The following BCOR variants were observed in gnomAD, a reference collection of about 807,000 sequenced individuals.
BCOR encodes the protein BCL-6 corepressor.
Under a neutral mutation model 86.7 loss-of-function variants are expected in BCOR, and 10 were observed. The observed-to-expected ratio is 0.12, with a 90% CI of 0.07 to 0.20. BCOR has a LOEUF of 0.20. Ranked by LOEUF, BCOR falls within the 10% of genes least tolerant of loss-of-function variation. The pLI, the probability that BCOR is intolerant of heterozygous loss-of-function variation, is 1.00. For missense variants in BCOR, 1,259 were observed against 1,452.1 expected (o/e 0.87, Z 2.16); for synonymous variants, 611 against 609.0 (o/e 1.00, Z -0.05).
intron 1 of BCOR, among the ~76,000 whole-genome samples, chrX:40,176,034 C>T (rs1602290348): frequency 8.9e-6 from 1 of 112,822 alleles, no homozygotes; most frequent in South Asian, 3.6e-4. Flanking sequence ...CAGGCGTCTT[C>T]AAGGGTTCTG....
chrX:40,080,826 G>C (rs1035987369), intron 1 of BCOR, among the ~76,000 whole-genome samples: 3 of 58,952 alleles, frequency 5.1e-5, no homozygotes, highest in Non-Finnish European at 7.6e-5. Flanking sequence ...GTGTGTGTGT[G>C]TGTGTGTGTG....
At position 40,054,309 on chromosome X, in the gene BCOR, C is replaced by T. The variant is rs367859441; in HGVS notation, c.4766G>A (p.Arg1589His). 4.0e-5 allele frequency: 48 copies of T among 1,203,513 alleles called. No individual in the cohort carries two copies. The highest frequency in any genetic ancestry group is 1.4e-4 in the African/African-American group (8 of 56,813). ...AGTGCCACTGGCGTCATCATCATTG[C>T]GACCCTGGAGGTCATTTAAATAATC... ...LTDYLNDLQG[R>H]NDDDASGTWD... The change falls in exon 13 of 15, where the codon CGC (arginine) becomes CAC (histidine). Residue 1589 changes from arginine (R) to histidine (H), a missense_variant. Around this residue, in one of 7 missense-constraint regions of BCOR, gnomAD observed 137 missense variants for 149.8 expected, o/e 0.91. Transcript: ENST00000378444.
At chrX:40,095,657 T>C (rs1936823928) in intron 1 of BCOR, among the ~76,000 whole-genome samples, 1 of 112,047 alleles carries the variant, frequency 8.9e-6, no homozygotes, top group Admixed American at 9.3e-5. Context: ...TGCGAATACC[T>C]ATTTGAAGCG....
intron 1 of BCOR, among the ~76,000 whole-genome samples, chrX:40,130,043 G>A (rs1937587136): frequency 9.0e-6 from 1 of 110,796 alleles, no homozygotes; most frequent in Non-Finnish European, 1.9e-5. Flanking sequence ...AAAAGAAGAA[G>A]AACAGACTTC....
chrX:40,163,884 CA>C (rs750080407), intron 1 of BCOR, among the ~76,000 whole-genome samples: 24 of 110,392 alleles, frequency 2.2e-4, no homozygotes, highest in African/African-American at 7.6e-4. Context: ...ATTAGCCGAG[CA>C]TGGTGGTGCA....
Position 40,109,446 on chromosome X carries a change from A to G in BCOR, c.-40-31477T>C, listed in dbSNP as rs1937259026. ...CTCCCCCACGCCGGGCTTCAAAACA[A>G]AACTCCAGAGCGGGCGGCCAGGTAC... On this transcript the variant is annotated intron_variant, in intron 1 of 14. Transcript: ENST00000342274. Among the ~76,000 whole-genome samples the G allele has an allele frequency of 6.3e-5, 7 of 111,950 alleles. No individual in the cohort carries two copies. The South Asian group carries it at 2.5e-3, about 40-fold the overall frequency.
At chrX:40,160,695 G>A (rs1006480120) in intron 1 of BCOR, among the ~76,000 whole-genome samples, 3 of 85,085 alleles carry the variant, frequency 3.5e-5, no homozygotes, top group African/African-American at 1.4e-4. Flanking sequence ...ATGGTGTCTC[G>A]CTCTCTCGCC....
At chrX:40,056,745 G>A (rs964196501) in intron 11 of BCOR, among the ~76,000 whole-genome samples, 2 of 111,381 alleles carry the variant, frequency 1.8e-5, no homozygotes, top group Non-Finnish European at 3.8e-5. Flanking sequence ...CTGGGGATGT[G>A]GGTGGCAATG....
intron 1 of BCOR, among the ~76,000 whole-genome samples, chrX:40,156,436 C>A (rs922920472): frequency 8.9e-6 from 1 of 112,139 alleles, no homozygotes; most frequent in African/African-American, 3.2e-5. Flanking sequence ...TTAGGGCACC[C>A]GGGGCTGCGC....
rs140693978 is a variant in BCOR, at chrX:40,073,147, C to T, written c.2199G>A (p.Thr733=). 5.0e-5 allele frequency: 61 copies of T among 1,210,250 alleles called. No homozygotes were observed. The highest frequency in any genetic ancestry group is 1.0e-4 in the African/African-American group (6 of 57,245). Reference sequence around the variant, plus strand: ...TCTCCTCTTTAGTAATCTCTATGGGCGTGTGTGGTATCAACATGGGATGCA... The same window carrying T: ...TCTCCTCTTTAGTAATCTCTATGGGTGTGTGTGGTATCAACATGGGATGCA... ...GMVHPMLIPH[T]PIEITKEEKP... Residue 733 remains threonine (T), a synonymous_variant, in exon 4 of 15, where the codon ACG becomes ACA. Transcript: ENST00000378444.
intron 1 of BCOR, among the ~76,000 whole-genome samples, chrX:40,161,267 C>T (rs1226175312): frequency 9.5e-6 from 1 of 105,756 alleles, no homozygotes; most frequent in East Asian, 3.0e-4. Flanking sequence ...AGTGAAGTGG[C>T]GCGATCTTGG....
chrX:40,138,360 GGAC>G (rs1251803775), intron 1 of BCOR, among the ~76,000 whole-genome samples: 1 of 111,575 alleles, frequency 9.0e-6, no homozygotes, highest in Non-Finnish European at 1.9e-5. Flanking sequence ...CTCAGGCGAG[GGAC>G]GACTACGAAG....
At chrX:40,060,423 G>A (rs1934811697) in intron 10 of BCOR, among the ~76,000 whole-genome samples, 1 of 112,344 alleles carries the variant, frequency 8.9e-6, no homozygotes, top group African/African-American at 3.2e-5. Flanking sequence ...CCTGCTATAG[G>A]AAAACCACCA....
chrX:40,141,384 G>C (rs1456984953), intron 1 of BCOR, among the ~76,000 whole-genome samples: 1 of 112,307 alleles, frequency 8.9e-6, no homozygotes, highest in Non-Finnish European at 1.9e-5. Flanking sequence ...AGCGTGTTTC[G>C]CCTCTGCTTA....
chrX:40,090,848 C>A (rs1414454797), intron 1 of BCOR, among the ~76,000 whole-genome samples: 1 of 111,848 alleles, frequency 8.9e-6, no homozygotes, highest in Non-Finnish European at 1.9e-5. Flanking sequence ...TCTGGCCAGG[C>A]AGAACAATAG....
chrX:40,088,522 C>G (rs1475571540), intron 1 of BCOR, among the ~76,000 whole-genome samples: 1 of 111,609 alleles, frequency 9.0e-6, no homozygotes, highest in African/African-American at 3.3e-5. Context: ...TGTTTCAGAG[C>G]AGGCATCCCC....
Position 40,072,872 on chromosome X carries a change from C to T in BCOR, c.2474G>A (p.Ser825Asn). 2 of 1,211,654 alleles carry T rather than the reference C, an allele frequency of 1.7e-6. No homozygotes were observed. The highest frequency in any genetic ancestry group is 2.2e-6 in the Non-Finnish European group (2 of 895,513). Residue 825 changes from serine to asparagine, a missense_variant, in exon 4 of 15, where the codon AGC becomes AAC. This residue lies in a region of BCOR where 534 missense variants were observed against 594.8 expected (regional missense o/e 0.90). Transcript: ENST00000378444. Reference sequence around the variant, plus strand: ...CTGGCCAACACTCTCTGCTGCAAAGCTGGGTTTGGACACGTTTGTGTCAGT... The same window carrying T: ...CTGGCCAACACTCTCTGCTGCAAAGTTGGGTTTGGACACGTTTGTGTCAGT... Reference protein sequence around the residue: ...AKTDTNVSKPSFAAESVGQSA... With the variant: ...AKTDTNVSKPNFAAESVGQSA...
In BCOR at chrX:40,140,582, G is replaced by T. The variant is rs187224633; in HGVS notation, c.-41+36425C>A. 4.3e-3 allele frequency among the ~76,000 whole-genome samples: 480 copies of T among 112,685 alleles called. 1 individual carries two copies. The highest frequency in any genetic ancestry group is 0.015 in the African/African-American group (461 of 31,058). ...CACAATGAAGTTTTCAGCTCCATGG[G>T]GCTTATCTCTCTTGGGGAGACTTTA... On this transcript the variant is annotated intron_variant, in intron 1 of 14. Transcript: ENST00000342274.
chrX:40,166,055 G>A (rs1938503162), intron 1 of BCOR, among the ~76,000 whole-genome samples: 1 of 112,340 alleles, frequency 8.9e-6, no homozygotes, highest in Non-Finnish European at 1.9e-5. Context: ...TACCCATTTT[G>A]TAGATAAGGA....
Sources: allele counts gnomAD v4.1 joint callset (sites outside exome capture counted in the v4.1 genomes callset), GRCh38; gene constraint gnomAD v4.1.1; regional missense constraint gnomAD v4.1.1; transcripts MANE v1.5; gene names NCBI Gene and HGNC (gene_info 2026-07-23, HGNC 2026-07-21).